The following LATS1 variants were observed in gnomAD, a reference collection of about 807,000 sequenced individuals.
The protein encoded by LATS1 is large tumor suppressor kinase 1, also known as serine/threonine-protein kinase LATS1.
In LATS1, 25 loss-of-function variants were observed where a neutral mutation model predicts 106.6. The ratio of observed to expected loss-of-function variants is 0.23; its 90% CI spans 0.17 to 0.33. The LOEUF (loss-of-function observed/expected upper bound fraction) is 0.33, where lower values mean the gene tolerates loss of function less well. LATS1 is among the 10% of genes least tolerant of loss of function. LATS1 has a pLI of 1.00. For synonymous variants in LATS1, 465 were observed against 455.6 expected, an observed-to-expected ratio of 1.02 and a Z score of -0.26; for missense variants, 1,040 against 1,382.6, an observed-to-expected ratio of 0.75 and a Z score of 3.93.
intron 1 of LATS1, among the ~76,000 whole-genome samples, chr6:149,709,668 CTTT>C (rs142425039): frequency 5.3e-5 from 4 of 75,502 alleles, no homozygotes; most frequent in Non-Finnish European, 5.0e-5. Context: ...AACCCCTTAT[CTTT>C]TTTTTTTTTT....
chr6:149,692,532 C>T (rs1782819121), intron 3 of LATS1, among the ~76,000 whole-genome samples: 1 of 152,104 alleles, frequency 6.6e-6, no homozygotes, highest in South Asian at 2.1e-4. Context: ...TATTTAATCT[C>T]CCTTACTAGC....
At chr6:149,682,567 A>C (rs1341172028) in intron 4 of LATS1, among the ~76,000 whole-genome samples, 1 of 151,864 alleles carries the variant, frequency 6.6e-6, no homozygotes, top group African/African-American at 2.4e-5. Context: ...GCCCGCCACC[A>C]TGCCCAGCTA....
chr6:149,686,330 C>G (rs1410740966), intron 3 of LATS1, among the ~76,000 whole-genome samples: 1 of 152,188 alleles, frequency 6.6e-6, no homozygotes, highest in Admixed American at 6.5e-5. Context: ...CTCTGGCCAT[C>G]AGGCTCTTTC....
chr6:149,676,689 T>TC lies in LATS1; in HGVS notation c.2641dup (p.Asp881GlyfsTer40). ...GTCTCCACATCGACAGCTTGAGGGA[T>TC]CCCCCCATTCATTACTGAAATCCAT... On this transcript the variant is annotated frameshift_variant, in exon 6 of 8. Coordinates refer to ENST00000543571, the MANE Select transcript of LATS1 (RefSeq NM_004690.4). LOFTEE classifies it high-confidence loss of function. 6.2e-7 allele frequency: 1 copy of TC among 1,613,928 alleles called. No homozygotes were observed. Among genetic ancestry groups the TC allele is most frequent in the Non-Finnish European group, 8.5e-7 (1 of 1,179,940 alleles).
At chr6:149,666,089 C>T (rs1052661442) in intron 7 of LATS1, among the ~76,000 whole-genome samples, 1 of 142,876 alleles carries the variant, frequency 7.0e-6, no homozygotes, top group Admixed American at 7.1e-5. Flanking sequence ...GAGCCGAGAT[C>T]GCACCACTGC....
Position 149,702,140 on chromosome 6 carries a change from T to C in LATS1, c.-14A>G. On this transcript the variant is annotated 5_prime_UTR_variant, in exon 2 of 8. It adds an upstream start codon to the 5' untranslated region. Coordinates refer to ENST00000543571, the MANE Select transcript of LATS1 (RefSeq NM_004690.4). ...ACTCCTCTTCATGAAAACATCTATA[T>C]ATGTAGCCCACACGAAGGACTTCTT... 1.3e-6 allele frequency: 2 copies of C among 1,529,942 alleles called. No homozygotes were observed. Among genetic ancestry groups the C allele is most frequent in the East Asian group, 2.3e-5 (1 of 44,324 alleles). The allele number at this position is 1,529,942 out of a possible 1,614,324, so 94.8% of individuals were successfully genotyped here.
intron 7 of LATS1, 90 bp downstream of exon 7, chr6:149,676,170 C>T: frequency 1.1e-6 from 1 of 892,952 alleles, no homozygotes; most frequent in East Asian, 2.5e-5. Context: ...TTCTTTAACT[C>T]CAGACTAAAA....
intron 3 of LATS1, among the ~76,000 whole-genome samples, chr6:149,687,428 C>T (rs528485565): frequency 6.6e-6 from 1 of 151,588 alleles, no homozygotes; most frequent in South Asian, 2.1e-4. Flanking sequence ...TATCAGTCCT[C>T]CTTTTTCTTA....
chr6:149,659,473 A>G lies in LATS1; in HGVS notation c.*2256T>C, dbSNP rs1365479307. On this transcript the variant is annotated 3_prime_UTR_variant, in exon 8 of 8. Transcript: ENST00000543571. ...GACCCTGTCTCAAAACAAAAAACAA[A>G]AAAAGAATACAAAATTTGTAGTGTC... The G allele has an allele frequency of 4.4e-6, 1 of 224,998 alleles. No individual in the cohort carries two copies. Among genetic ancestry groups the G allele is most frequent in the Non-Finnish European group, 8.9e-6 (1 of 112,980 alleles). 13.9% of individuals were successfully genotyped at this position (224,998 alleles called of 1,614,324 possible).
rs986175536 is a variant in LATS1, at chr6:149,680,548, A to C, written c.2011-91T>G. ...TTGGGAAAAATTCAGGCATATATTTAAAGGTTAAATGCATAATTTTTAATA... is the reference window on the plus strand; with the variant it reads ...TTGGGAAAAATTCAGGCATATATTTCAAGGTTAAATGCATAATTTTTAATA... On this transcript the variant is annotated intron_variant, in intron 4 of 7. Transcript: ENST00000543571. 2.4e-5 allele frequency: 21 copies of C among 882,978 alleles called. No individual in the cohort carries two copies. In the Admixed American group the frequency reaches 4.9e-4, roughly 21 times the overall value. The allele number at this position is 882,978 out of a possible 1,614,324, so 54.7% of individuals were successfully genotyped here.
In LATS1 at chr6:149,658,690, A is replaced by T. The variant is rs928969579; in HGVS notation, c.*3039T>A. The T allele has an allele frequency of 2.0e-5, 3 of 152,236 alleles. No homozygotes were observed. Among genetic ancestry groups the T allele is most frequent in the Non-Finnish European group, 4.4e-5 (3 of 68,036 alleles). The allele number at this position is 152,236 out of a possible 1,614,324, so 9.4% of individuals were successfully genotyped here. On this transcript the variant is annotated 3_prime_UTR_variant, in exon 8 of 8. Transcript: ENST00000543571. ...TTGCACTTTGCAACAGCAGAAGGTA[A>T]TAACTTTTTAAAAAAGTCAATCTCA...
chr6:149,689,124 C>T (rs1002577016), intron 3 of LATS1, among the ~76,000 whole-genome samples: 4 of 151,596 alleles, frequency 2.6e-5, no homozygotes, highest in Middle Eastern at 3.2e-3. Flanking sequence ...GCTGAGATAG[C>T]GCCACTGCAC....
chr6:149,677,096 G>T (rs985251436), intron 5 of LATS1, among the ~76,000 whole-genome samples: 3 of 152,286 alleles, frequency 2.0e-5, no homozygotes, highest in African/African-American at 4.8e-5. Context: ...TTCAATAAAT[G>T]ACAGTGATAA....
At chr6:149,673,514 TTC>T (rs1038824593) in intron 7 of LATS1, among the ~76,000 whole-genome samples, 1 of 151,902 alleles carries the variant, frequency 6.6e-6, no homozygotes, top group Non-Finnish European at 1.5e-5. Flanking sequence ...ACAATTTTTT[TTC>T]TCTCTCTCAT....
intron 7 of LATS1, among the ~76,000 whole-genome samples, chr6:149,667,456 A>G (rs886147106): frequency 6.0e-5 from 9 of 150,758 alleles, no homozygotes; most frequent in Non-Finnish European, 1.3e-4. Context: ...AAAAAAAAAA[A>G]AAAAAAAAAA....
intron 7 of LATS1, among the ~76,000 whole-genome samples, chr6:149,673,221 G>A (rs934172197): frequency 3.3e-5 from 5 of 149,840 alleles, no homozygotes; most frequent in South Asian, 2.1e-4. Context: ...CCTCAGCCTC[G>A]TGAGTAGCTG....
chr6:149,681,191 TAAAAAC>T (rs1160967440), intron 4 of LATS1, among the ~76,000 whole-genome samples: 1 of 152,124 alleles, frequency 6.6e-6, no homozygotes, highest in African/African-American at 2.4e-5. Context: ...AAAAATAGAT[TAAAAAC>T]AAAAACTAAC....
At chr6:149,712,565 G>A (rs1194845669) in intron 1 of LATS1, among the ~76,000 whole-genome samples, 3 of 151,476 alleles carry the variant, frequency 2.0e-5, no homozygotes, top group Non-Finnish European at 4.4e-5. Flanking sequence ...TGACGAGGCT[G>A]GTCTCAAACT....
intron 3 of LATS1, among the ~76,000 whole-genome samples, chr6:149,684,896 T>C (rs776434578): frequency 6.6e-6 from 1 of 152,164 alleles, no homozygotes; most frequent in Non-Finnish European, 1.5e-5. Flanking sequence ...AAAAGAGTTA[T>C]AAAAATAAAA....
Sources: allele counts gnomAD v4.1 joint callset (sites outside exome capture counted in the v4.1 genomes callset), GRCh38; gene constraint gnomAD v4.1.1; transcripts MANE v1.5; gene names NCBI Gene and HGNC (gene_info 2026-07-23, HGNC 2026-07-21).